ARHGAP24: variants seen among roughly 807,000 people sequenced by gnomAD.
ARHGAP24 encodes rho GTPase-activating protein 24.
In ARHGAP24, 50 loss-of-function variants were observed where a neutral mutation model predicts 76.4. The observed-to-expected ratio is 0.65, with a 90% confidence interval of 0.52 to 0.83. The LOEUF (loss-of-function observed/expected upper bound fraction) is 0.83, where lower values mean the gene tolerates loss of function less well. ARHGAP24 is among the 40% of genes least tolerant of loss of function. ARHGAP24 has a pLI of 0.00. For missense variants in ARHGAP24, 930 were observed against 914.2 expected (o/e 1.02, Z -0.22); for synonymous variants, 345 against 323.3 (o/e 1.07, Z -0.72).
chr4:85,985,625 A>G (rs1027163108), intron 8 of ARHGAP24, among the ~76,000 whole-genome samples: 2 of 152,196 alleles, frequency 1.3e-5, no homozygotes, highest in Non-Finnish European at 2.9e-5. Flanking sequence ...CCCCTGAATT[A>G]AAACAAAAGT....
chr4:86,000,023 CAAT>C (rs895454355), intron 9 of ARHGAP24: 2 of 169,878 alleles, frequency 1.2e-5, no homozygotes, highest in African/African-American at 4.8e-5. Context: ...ACTTAACCAA[CAAT>C]GACATTTTCC....
intron 3 of ARHGAP24, among the ~76,000 whole-genome samples, chr4:85,788,806 C>T (rs1658160762): frequency 6.6e-6 from 1 of 152,100 alleles, no homozygotes; most frequent in South Asian, 2.1e-4. Flanking sequence ...TGATCTTTTC[C>T]CAAGTTCTTA....
At chr4:85,951,934 TAA>T (rs986713748) in intron 5 of ARHGAP24, among the ~76,000 whole-genome samples, 15 of 151,896 alleles carry the variant, frequency 9.9e-5, no homozygotes, top group African/African-American at 2.2e-4. Flanking sequence ...TTTGATATCA[TAA>T]AGTTATTAAG....
At chr4:85,559,128 C>T (rs549993905) in intron 1 of ARHGAP24, among the ~76,000 whole-genome samples, 12 of 152,144 alleles carry the variant, frequency 7.9e-5, no homozygotes, top group Admixed American at 1.3e-4. Flanking sequence ...CAGTGTCATA[C>T]GGGCTTCAGC....
chr4:85,773,668 C>A (rs1158284199), intron 3 of ARHGAP24, among the ~76,000 whole-genome samples: 1 of 152,130 alleles, frequency 6.6e-6, no homozygotes, highest in African/African-American at 2.4e-5. Context: ...TAGTCTTCTT[C>A]TTTGTACCCA....
chr4:85,599,887 A>G (rs1267572776), intron 2 of ARHGAP24, among the ~76,000 whole-genome samples: 2 of 152,154 alleles, frequency 1.3e-5, no homozygotes, highest in African/African-American at 2.4e-5. Context: ...AATAATCTCT[A>G]TTTAACCCTA....
At chr4:85,552,935 C>T (rs550609613) in intron 1 of ARHGAP24, among the ~76,000 whole-genome samples, 9 of 152,206 alleles carry the variant, frequency 5.9e-5, no homozygotes, top group Non-Finnish European at 8.8e-5. Flanking sequence ...TTCTTGGTCT[C>T]GCTGGTCTCG....
intron 2 of ARHGAP24, among the ~76,000 whole-genome samples, chr4:85,637,210 C>G (rs1328418836): frequency 3.9e-5 from 6 of 152,012 alleles, no homozygotes; most frequent in Non-Finnish European, 8.8e-5. Context: ...ATAGGTTGCC[C>G]TGGATCATCT....
At chr4:85,642,063 A>T (rs775005441) in intron 2 of ARHGAP24, among the ~76,000 whole-genome samples, 2 of 152,072 alleles carry the variant, frequency 1.3e-5, no homozygotes, top group African/African-American at 2.4e-5. Flanking sequence ...GTGGGGCAGG[A>T]CCCTTTCTGA....
intron 6 of ARHGAP24, 120 bp downstream of exon 6, chr4:85,972,288 A>G: frequency 2.3e-6 from 3 of 1,326,410 alleles, no homozygotes. Context: ...TATCCTTTGA[A>G]TTGACCTCAC....
chr4:85,731,989 A>T (rs1264259354), intron 3 of ARHGAP24, among the ~76,000 whole-genome samples: 1 of 152,200 alleles, frequency 6.6e-6, no homozygotes, highest in Non-Finnish European at 1.5e-5. Context: ...TTTACAAAGA[A>T]GTTATTTGCT....
intron 2 of ARHGAP24, among the ~76,000 whole-genome samples, chr4:85,714,717 CA>C (rs2110037419): frequency 6.6e-6 from 1 of 152,150 alleles, no homozygotes; most frequent in South Asian, 2.1e-4. Flanking sequence ...AATTATGCAT[CA>C]GAATTACTAG....
intron 8 of ARHGAP24, among the ~76,000 whole-genome samples, chr4:85,981,587 C>T (rs1739672769): frequency 6.6e-6 from 1 of 152,160 alleles, no homozygotes; most frequent in Non-Finnish European, 1.5e-5. Context: ...TTTTTCCCAT[C>T]ATATCAAAAA....
intron 3 of ARHGAP24, among the ~76,000 whole-genome samples, chr4:85,803,540 T>C (rs574262524): frequency 6.6e-6 from 1 of 152,364 alleles, no homozygotes; most frequent in South Asian, 2.1e-4. Flanking sequence ...TTTAACTCTT[T>C]GTATTTGTAT....
intron 3 of ARHGAP24, among the ~76,000 whole-genome samples, chr4:85,726,376 G>A (rs1408867987): frequency 1.3e-5 from 2 of 152,132 alleles, no homozygotes; most frequent in Admixed American, 6.5e-5. Flanking sequence ...AAGGTTCTCC[G>A]AAGATATTTT....
intron 3 of ARHGAP24, among the ~76,000 whole-genome samples, chr4:85,782,146 A>G (rs1434335063): frequency 6.6e-6 from 1 of 152,056 alleles, no homozygotes; most frequent in African/African-American, 2.4e-5. Flanking sequence ...TTAAAATGAA[A>G]TGTTATTCCA....
At chr4:85,940,670 A>G (rs1736906268) in intron 4 of ARHGAP24, among the ~76,000 whole-genome samples, 1 of 152,214 alleles carries the variant, frequency 6.6e-6, no homozygotes, top group South Asian at 2.1e-4. Context: ...CAAGCTAACT[A>G]GACCTGTTAT....
intron 1 of ARHGAP24, among the ~76,000 whole-genome samples, chr4:85,549,658 G>A (rs1019197393): frequency 1.8e-4 from 28 of 151,980 alleles, no homozygotes; most frequent in African/African-American, 6.8e-4. Context: ...GTGTTATATG[G>A]GTAAATTGCA....
At chr4:85,528,819 T>C (rs1160245350) in intron 1 of ARHGAP24, among the ~76,000 whole-genome samples, 2 of 152,106 alleles carry the variant, frequency 1.3e-5, no homozygotes, top group Admixed American at 6.6e-5. Context: ...CTTGTTTCTG[T>C]TGATTATAAT....
Sources: allele counts gnomAD v4.1 joint callset (sites outside exome capture counted in the v4.1 genomes callset), GRCh38; gene constraint gnomAD v4.1.1; transcripts MANE v1.5; gene names NCBI Gene and HGNC (gene_info 2026-07-23, HGNC 2026-07-21).